Variants in ELK3 observed in about 807,000 individuals in gnomAD.
ELK3 encodes ETS domain-containing protein Elk-3.
A neutral mutation model predicts 28.9 loss-of-function variants in ELK3; 10 were observed. The ratio of observed to expected loss-of-function variants is 0.35; its 90% CI spans 0.21 to 0.59. The LOEUF is 0.59. ELK3 is among the 20% of genes least tolerant of loss of function. ELK3 has a pLI of 0.82. For synonymous variants in ELK3, 272 were observed against 243.5 expected, an observed-to-expected ratio of 1.12 and a Z score of -1.09; for missense variants, 463 against 517.3, an observed-to-expected ratio of 0.90 and a Z score of 1.02.
chr12:96,229,076 G>A (rs921608077), intron 2 of ELK3, among the ~76,000 whole-genome samples: 23 of 152,220 alleles, frequency 1.5e-4, no homozygotes, highest in African/African-American at 4.3e-4. Context: ...CTGGTACCTC[G>A]GACAGGGTCT....
At chr12:96,216,373 A>G (rs1227942992) in intron 1 of ELK3, among the ~76,000 whole-genome samples, 1 of 152,248 alleles carries the variant, frequency 6.6e-6, no homozygotes, top group Non-Finnish European at 1.5e-5. Context: ...GTTAAGCTGG[A>G]GTCGGAGAAT....
intron 3 of ELK3, 98 bp from the exon 4 acceptor site, chr12:96,259,633 C>T: frequency 3.6e-6 from 5 of 1,375,946 alleles, no homozygotes; most frequent in Non-Finnish European, 4.9e-6. Flanking sequence ...CGTTTCCTGG[C>T]CCATGCCTAG....
At chr12:96,261,638 A>C (rs1174713942) in intron 4 of ELK3, among the ~76,000 whole-genome samples, 6 of 152,236 alleles carry the variant, frequency 3.9e-5, no homozygotes, top group African/African-American at 1.4e-4. Flanking sequence ...GTGAATAATA[A>C]GTGGCCTCTC....
chr12:96,262,263 C>T (rs1403097633), intron 4 of ELK3, among the ~76,000 whole-genome samples: 1 of 152,156 alleles, frequency 6.6e-6, no homozygotes, highest in African/African-American at 2.4e-5. Flanking sequence ...AAGTGACCTG[C>T]CTGCCTTGGT....
At chr12:96,201,692 C>T (rs138571630) in intron 1 of ELK3, among the ~76,000 whole-genome samples, 3 of 152,088 alleles carry the variant, frequency 2.0e-5, no homozygotes, top group Non-Finnish European at 2.9e-5. Context: ...GGTCTTGACT[C>T]CTAAGAGTTG....
chr12:96,220,922 C>T (rs1287743013), intron 1 of ELK3, among the ~76,000 whole-genome samples: 1 of 152,138 alleles, frequency 6.6e-6, no homozygotes, highest in Non-Finnish European at 1.5e-5. Context: ...GGCTTGGCTT[C>T]GGACTTTGGG....
intron 4 of ELK3, among the ~76,000 whole-genome samples, chr12:96,266,421 A>AAACTCATTATCAGAGCATATACTGTC (rs1952030461): frequency 6.6e-6 from 1 of 152,188 alleles, no homozygotes; most frequent in Non-Finnish European, 1.5e-5. Flanking sequence ...TTCAGACCTG[A>AAACTCATTATCAGAGCATATACTGTC]AACTCATTAT....
intron 2 of ELK3, among the ~76,000 whole-genome samples, chr12:96,243,874 T>G (rs1235648276): frequency 6.7e-6 from 1 of 149,912 alleles, no homozygotes; most frequent in Non-Finnish European, 1.5e-5. Flanking sequence ...GGCATGATGG[T>G]GGGTGCCTGT....
intron 2 of ELK3, among the ~76,000 whole-genome samples, chr12:96,242,613 C>G (rs1951829349): frequency 1.3e-5 from 2 of 152,170 alleles, no homozygotes; most frequent in African/African-American, 4.8e-5. Context: ...GTCAGTGCAG[C>G]TGCAGGGACA....
chr12:96,247,569 C>T lies in ELK3; in HGVS notation c.837C>T (p.Gly279=). Reference sequence around the variant, plus strand: ...TGGAGCCCTTGAACCTGTCATCGGGCTCCAAGACCAAGTCTCCATCTCTTC... The same window carrying T: ...TGGAGCCCTTGAACCTGTCATCGGGTTCCAAGACCAAGTCTCCATCTCTTC... ...DSLEPLNLSS[G]SKTKSPSLPP... Residue 279 remains glycine, a synonymous_variant, in exon 3 of 5, where the codon GGC becomes GGT. Coordinates refer to ENST00000228741, the MANE Select transcript of ELK3 (RefSeq NM_005230.4). The surrounding 1 kb of genome is among the most constrained non-coding windows in gnomAD (Gnocchi z 5.5). The T allele has an allele frequency of 6.2e-7, 1 of 1,614,130 alleles. No individual in the cohort carries two copies. The highest frequency in any genetic ancestry group is 8.5e-7 in the Non-Finnish European group (1 of 1,180,034).
intron 1 of ELK3, among the ~76,000 whole-genome samples, chr12:96,221,432 G>A (rs1235551133): frequency 6.6e-6 from 1 of 152,226 alleles, no homozygotes; most frequent in East Asian, 1.9e-4. Flanking sequence ...TGGCATGTGA[G>A]CAGAGGCCCC....
At chr12:96,241,634 T>C (rs573096141) in intron 2 of ELK3, among the ~76,000 whole-genome samples, 1 of 152,342 alleles carries the variant, frequency 6.6e-6, no homozygotes, top group Admixed American at 6.5e-5. Flanking sequence ...GATCCTGTCA[T>C]GGGCTGCTGT....
intron 1 of ELK3, among the ~76,000 whole-genome samples, chr12:96,208,331 C>T (rs554603233): frequency 1.3e-5 from 2 of 152,328 alleles, no homozygotes; most frequent in South Asian, 2.1e-4. Context: ...GGATTACAGG[C>T]GTTAGCCACT....
intron 1 of ELK3, among the ~76,000 whole-genome samples, chr12:96,211,582 TTAAC>T (rs201588842): frequency 0.012 from 1,810 of 152,058 alleles, 42 homozygotes; most frequent in African/African-American, 0.041. Context: ...TTGCTGGTAT[TTAAC>T]TAGTTTTGAT....
chr12:96,212,501 A>T (rs776739037), intron 1 of ELK3, among the ~76,000 whole-genome samples: 18 of 152,144 alleles, frequency 1.2e-4, no homozygotes, highest in Non-Finnish European at 2.1e-4. Flanking sequence ...CTGCTGTTTT[A>T]ATACAGAAGG....
chr12:96,267,590 A>G lies in ELK3; in HGVS notation c.*410A>G, dbSNP rs1361412008. 6.5e-6 allele frequency: 1 copy of G among 153,390 alleles called. No homozygotes were observed. The highest frequency in any genetic ancestry group is 1.5e-5 in the Non-Finnish European group (1 of 68,508). 9.5% of individuals were successfully genotyped at this position (153,390 alleles called of 1,614,324 possible). A position where few individuals can be genotyped will look rare whatever the true frequency, so the allele number is the denominator to read the frequency against. On this transcript the variant is annotated 3_prime_UTR_variant, in exon 5 of 5. Transcript: ENST00000228741. ...CTTCCTTCGCATTTAATGTAAATGA[A>G]TGATTTATATATTTTTTAGTATTAA...
In ELK3 at chr12:96,267,468, A is replaced by C. The variant is rs140934204; in HGVS notation, c.*288A>C. 1,358 of 262,706 alleles carry C rather than the reference A, an allele frequency of 5.2e-3. 7 individuals carry two copies. The highest frequency in any genetic ancestry group is 7.5e-3 in the Non-Finnish European group (1,014 of 135,542). The allele number at this position is 262,706 out of a possible 1,614,324, so 16.3% of individuals were successfully genotyped here. On this transcript the variant is annotated 3_prime_UTR_variant, in exon 5 of 5. Coordinates refer to ENST00000228741, the MANE Select transcript of ELK3 (RefSeq NM_005230.4). Reference sequence around the variant, plus strand: ...TGTTGACAGTGAAGAACTTTTCTTAATGGTTTTCAGTATAACTAATAAGGA... The same window carrying C: ...TGTTGACAGTGAAGAACTTTTCTTACTGGTTTTCAGTATAACTAATAAGGA...
chr12:96,220,238 T>G (rs1342857218), intron 1 of ELK3, among the ~76,000 whole-genome samples: 1 of 152,116 alleles, frequency 6.6e-6, no homozygotes, highest in East Asian at 1.9e-4. Context: ...CTGTCCTTTT[T>G]GTCCTTTTTC....
At chr12:96,202,536 T>TA (rs1951514085) in intron 1 of ELK3, among the ~76,000 whole-genome samples, 1 of 150,114 alleles carries the variant, frequency 6.7e-6, no homozygotes, top group African/African-American at 2.5e-5. Flanking sequence ...TTTTTTTTTT[T>TA]TTTTTTGAGA....
Sources: gnomAD v4.1 joint callset for allele counts (sites outside exome capture counted in the v4.1 genomes callset) on GRCh38, gnomAD v4.1.1 for gene constraint, Gnocchi (gnomAD v3.1) non-coding constraint, MANE v1.5 for transcripts, NCBI Gene and HGNC (gene_info 2026-07-23, HGNC 2026-07-21) for gene names.